MIPOL1: variants seen among roughly 807,000 people sequenced by gnomAD.
MIPOL1 encodes mirror-image polydactyly 1, also known as mirror-image polydactyly gene 1 protein.
A neutral mutation model predicts 60.9 loss-of-function variants in MIPOL1; 57 were observed. The ratio of observed to expected loss-of-function variants is 0.94; its 90% confidence interval spans 0.76 to 1.17. MIPOL1 has a LOEUF of 1.17. Among genes scored for constraint, MIPOL1 ranks in the 50% most tolerant of loss-of-function variants. The pLI, the probability that MIPOL1 is intolerant of heterozygous loss-of-function variation, is 0.00. For missense variants in MIPOL1, 551 were observed against 511.6 expected (o/e 1.08, Z -0.74); for synonymous variants, 179 against 168.8 (o/e 1.06, Z -0.47).
intron 12 of MIPOL1, among the ~76,000 whole-genome samples, chr14:37,522,238 T>C (rs1042783161): frequency 3.3e-5 from 5 of 152,154 alleles, no homozygotes; most frequent in African/African-American, 9.6e-5. Flanking sequence ...AGAAAAAGTA[T>C]GTGTTACATC....
chr14:37,499,538 C>A (rs2095184291), intron 11 of MIPOL1, among the ~76,000 whole-genome samples: 1 of 152,080 alleles, frequency 6.6e-6, no homozygotes, highest in South Asian at 2.1e-4. Context: ...AAACCAATGC[C>A]CATTCTCTTC....
At chr14:37,351,896 A>G (rs1346406625) in intron 9 of MIPOL1, among the ~76,000 whole-genome samples, 1 of 151,620 alleles carries the variant, frequency 6.6e-6, no homozygotes, top group East Asian at 1.9e-4. Context: ...CTTGCTGTGC[A>G]GAAGCTCTTT....
chr14:37,325,037 C>T (rs1483354644), intron 9 of MIPOL1, among the ~76,000 whole-genome samples: 1 of 152,020 alleles, frequency 6.6e-6, no homozygotes. Flanking sequence ...TTCCTGTAAT[C>T]GTTAAGAGTC....
chr14:37,473,758 T>G (rs991609170), intron 11 of MIPOL1, among the ~76,000 whole-genome samples: 2 of 152,200 alleles, frequency 1.3e-5, no homozygotes, highest in African/African-American at 4.8e-5. Flanking sequence ...GTCCATAGTT[T>G]ACATTAAAGT....
intron 12 of MIPOL1, among the ~76,000 whole-genome samples, chr14:37,545,182 CTT>C (rs2153643652): frequency 6.6e-6 from 1 of 152,294 alleles, no homozygotes; most frequent in South Asian, 2.1e-4. Flanking sequence ...CTACTAATAT[CTT>C]ATAATGATTT....
chr14:37,422,217 T>G (rs1470578009), intron 10 of MIPOL1, among the ~76,000 whole-genome samples: 1 of 152,010 alleles, frequency 6.6e-6, no homozygotes, highest in Non-Finnish European at 1.5e-5. Flanking sequence ...ACTCAAAAAT[T>G]ATAGCAGGAA....
intron 6 of MIPOL1, among the ~76,000 whole-genome samples, chr14:37,281,297 T>A (rs2153405250): frequency 6.6e-6 from 1 of 152,348 alleles, no homozygotes; most frequent in Middle Eastern, 3.4e-3. Context: ...GGCACTTTGT[T>A]GAAAATCAGT....
At chr14:37,315,977 T>C (rs1433229617) in intron 9 of MIPOL1, among the ~76,000 whole-genome samples, 1 of 151,624 alleles carries the variant, frequency 6.6e-6, no homozygotes, top group African/African-American at 2.4e-5. Flanking sequence ...GAAATGAGTG[T>C]GGTGTCAGGG....
chr14:37,342,596 C>T (rs1293170218), intron 9 of MIPOL1, among the ~76,000 whole-genome samples: 1 of 151,896 alleles, frequency 6.6e-6, no homozygotes. Context: ...CAGGGTTTCA[C>T]CATGTTGGTC....
rs190848214 is a variant in MIPOL1 at position 37,294,977 on chromosome 14, A to C, written c.623+9530A>C. On this transcript the variant is annotated intron_variant, in intron 7 of 12. Transcript: ENST00000684589. ...AACACCACAAAGATACTCCTCAAGA[A>C]GAGCAACTCCAAGACACGTAATTGT... 2.6e-5 allele frequency among the ~76,000 whole-genome samples: 4 copies of C among 152,302 alleles called. No homozygotes were observed. The East Asian group carries it at 7.7e-4, about 29-fold the overall frequency.
chr14:37,445,767 C>T (rs1325788917), intron 11 of MIPOL1, among the ~76,000 whole-genome samples: 19 of 152,006 alleles, frequency 1.2e-4, no homozygotes, highest in African/African-American at 1.9e-4. Context: ...GAAATAACAC[C>T]GCATATCTAC....
chr14:37,515,503 G>A (rs550434226), intron 12 of MIPOL1, among the ~76,000 whole-genome samples: 16 of 151,988 alleles, frequency 1.1e-4, no homozygotes, highest in South Asian at 8.3e-4. Flanking sequence ...TTAGTTTTTC[G>A]TTTGCCTCAT....
chr14:37,405,977 C>T (rs1163361597), intron 10 of MIPOL1, among the ~76,000 whole-genome samples: 2 of 150,458 alleles, frequency 1.3e-5, no homozygotes, highest in Non-Finnish European at 3.0e-5. Context: ...ATAGCCTATG[C>T]ACCTAAAAAA....
chr14:37,482,426 A>C (rs2094885020), intron 11 of MIPOL1, among the ~76,000 whole-genome samples: 1 of 152,184 alleles, frequency 6.6e-6, no homozygotes, highest in Admixed American at 6.5e-5. Context: ...CACTGCTGTC[A>C]AGAACTGCCC....
chr14:37,410,468 CT>C (rs1369482952), intron 10 of MIPOL1, among the ~76,000 whole-genome samples: 3 of 152,042 alleles, frequency 2.0e-5, no homozygotes, highest in African/African-American at 7.2e-5. Context: ...CAACTAAAAA[CT>C]GAATTTTTAC....
intron 11 of MIPOL1, among the ~76,000 whole-genome samples, chr14:37,439,375 A>G (rs1323965594): frequency 6.6e-6 from 1 of 152,208 alleles, no homozygotes. Context: ...ATTGTGTTAT[A>G]TTATGCAATT....
At chr14:37,276,131 C>T (rs2083641078) in intron 6 of MIPOL1, among the ~76,000 whole-genome samples, 1 of 151,058 alleles carries the variant, frequency 6.6e-6, no homozygotes, top group South Asian at 2.1e-4. Context: ...TCTAATCTAT[C>T]TTACTGCATT....
chr14:37,523,398 CAGAT>C, intron 12 of MIPOL1: 1 of 350,308 alleles, frequency 2.9e-6, no homozygotes. Flanking sequence ...CAAATCATTA[CAGAT>C]ATCCCAGGAA....
At chr14:37,488,519 A>G (rs552128974) in intron 11 of MIPOL1, among the ~76,000 whole-genome samples, 4 of 152,006 alleles carry the variant, frequency 2.6e-5, no homozygotes, top group Non-Finnish European at 5.9e-5. Context: ...TTGAGTGCAT[A>G]TAGGTTTAGG....
Sources: gnomAD v4.1 joint callset for allele counts (sites outside exome capture counted in the v4.1 genomes callset) on GRCh38, gnomAD v4.1.1 for gene constraint, MANE v1.5 for transcripts, NCBI Gene and HGNC (gene_info 2026-07-23, HGNC 2026-07-21) for gene names.